NRXN1: variants seen among roughly 807,000 people sequenced by gnomAD.
NRXN1 encodes the protein neurexin 1, also known as neurexin-1.
Under a neutral mutation model 150.9 loss-of-function variants are expected in NRXN1, and 39 were observed. The ratio of observed to expected loss-of-function variants is 0.26; its 90% CI spans 0.20 to 0.34. The LOEUF is 0.34. Ranked by LOEUF, NRXN1 falls within the 10% of genes least tolerant of loss-of-function variation. The pLI, the probability that NRXN1 is intolerant of heterozygous loss-of-function variation, is 1.00. For synonymous variants in NRXN1, 924 were observed against 757.0 expected, an observed-to-expected ratio of 1.22 and a Z score of -3.62; for missense variants, 1,815 against 1,949.9, an observed-to-expected ratio of 0.93 and a Z score of 1.30.
chr2:50,267,685 G>C (rs1481713424), intron 17 of NRXN1, among the ~76,000 whole-genome samples: 1 of 152,102 alleles, frequency 6.6e-6, no homozygotes, highest in Non-Finnish European at 1.5e-5. Flanking sequence ...GTATTATAGG[G>C]AACGAAAATC....
intron 8 of NRXN1, among the ~76,000 whole-genome samples, chr2:50,587,646 ATAAC>A (rs1463265362): frequency 1.3e-5 from 2 of 152,214 alleles, no homozygotes; most frequent in Non-Finnish European, 2.9e-5. Flanking sequence ...GGAAAAAAGT[ATAAC>A]TAGCATATTA....
chr2:50,191,228 C>CG (rs1190882283), intron 18 of NRXN1, among the ~76,000 whole-genome samples: 1 of 145,248 alleles, frequency 6.9e-6, no homozygotes, highest in Non-Finnish European at 1.5e-5. Flanking sequence ...TTAGTAGAGA[C>CG]GGGGTTTCAC....
intron 18 of NRXN1, among the ~76,000 whole-genome samples, chr2:50,201,271 G>A (rs2062142766): frequency 6.6e-6 from 1 of 152,084 alleles, no homozygotes; most frequent in South Asian, 2.1e-4. Context: ...TTGGTTGAAC[G>A]ACGGAATCAC....
rs150759983 is a variant in NRXN1, at chr2:50,727,375, A to G, written c.833-103760T>C. ...ATGCCTAGGCTATAATTAGTATTCA[A>G]TAAATGCTTCAATTATGAAATATGG... On this transcript the variant is annotated intron_variant, in intron 5 of 22. Coordinates refer to ENST00000401669, the MANE Select transcript of NRXN1 (RefSeq NM_001330078.2). 8.5e-5 allele frequency among the ~76,000 whole-genome samples: 13 copies of G among 152,316 alleles called. No homozygotes were observed. In the East Asian group the frequency reaches 2.3e-3, roughly 27 times the overall value.
At position 50,996,428 on chromosome 2, in the gene NRXN1, AC is replaced by A. The variant is rs374424118; in HGVS notation, c.772+31073del. ...TAGAGTAAGCACAAGGCCAGTTTAA[AC>A]CAGCTTAACTTTTACATGTATGTAT... is the stretch of plus-strand genomic sequence containing the variant. On this transcript the variant is annotated intron_variant, in intron 2 of 22. Coordinates refer to ENST00000401669, the MANE Select transcript of NRXN1 (RefSeq NM_001330078.2). Among the ~76,000 whole-genome samples the A allele has an allele frequency of 2.5e-4, 38 of 152,258 alleles. 1 individual carries two copies. The South Asian group carries it at 6.8e-3, about 27-fold the overall frequency.
intron 18 of NRXN1, among the ~76,000 whole-genome samples, chr2:50,167,986 T>C (rs1053804433): frequency 6.6e-6 from 1 of 152,176 alleles, no homozygotes; most frequent in African/African-American, 2.4e-5. Flanking sequence ...GAAATAAAAA[T>C]GTTACAGAAC....
chr2:50,560,624 G>C (rs1410296070), intron 8 of NRXN1, among the ~76,000 whole-genome samples: 1 of 151,978 alleles, frequency 6.6e-6, no homozygotes, highest in Non-Finnish European at 1.5e-5. Context: ...TAGAGACGGG[G>C]TTTCACCATT....
intron 5 of NRXN1, among the ~76,000 whole-genome samples, chr2:50,783,707 C>T (rs1025571578): frequency 1.3e-5 from 2 of 152,142 alleles, no homozygotes; most frequent in Non-Finnish European, 2.9e-5. Context: ...TGGTAATATA[C>T]ATACTAGTTT....
intron 5 of NRXN1, among the ~76,000 whole-genome samples, chr2:50,720,519 A>G (rs1313660256): frequency 6.6e-6 from 1 of 152,194 alleles, no homozygotes; most frequent in African/African-American, 2.4e-5. Context: ...TAGGAAAAAA[A>G]TGCAGTGCCT....
intron 15 of NRXN1, among the ~76,000 whole-genome samples, chr2:50,495,203 T>A (rs1300702120): frequency 1.3e-5 from 2 of 152,158 alleles, no homozygotes; most frequent in Non-Finnish European, 2.9e-5. Flanking sequence ...AAAATGTGAT[T>A]CAAATAGAAA....
intron 2 of NRXN1, among the ~76,000 whole-genome samples, chr2:50,978,560 A>G (rs1696283631): frequency 6.6e-6 from 1 of 151,762 alleles, no homozygotes. Context: ...GTTGGAATAA[A>G]TATCCGATTA....
chr2:50,549,436 T>C (rs1667103952), intron 9 of NRXN1, among the ~76,000 whole-genome samples: 1 of 152,156 alleles, frequency 6.6e-6, no homozygotes, highest in African/African-American at 2.4e-5. Context: ...TTTTATATTG[T>C]TTGTACCAAT....
intron 17 of NRXN1, among the ~76,000 whole-genome samples, chr2:50,398,096 C>G (rs2082158215): frequency 6.6e-6 from 1 of 152,124 alleles, no homozygotes; most frequent in Non-Finnish European, 1.5e-5. Context: ...GAGGCTGTGA[C>G]ATTTTCAGGA....
chr2:50,032,286 C>T (rs1032988815), intron 21 of NRXN1, among the ~76,000 whole-genome samples: 12 of 152,140 alleles, frequency 7.9e-5, no homozygotes, highest in African/African-American at 2.9e-4. Flanking sequence ...TTTTCCTCAG[C>T]TTTCCTGGAG....
In NRXN1 at chr2:50,043,364, T is replaced by G. The variant is rs146296454; in HGVS notation, c.4128+9907A>C. 4.7e-4 allele frequency among the ~76,000 whole-genome samples: 71 copies of G among 152,286 alleles called. No homozygotes were observed. In the East Asian group the frequency reaches 0.013, roughly 28 times the overall value. ...CAGTGTCTTATCTTCTATCTTGTATTAGATTGCCATGTAGACCCTGTCAAG... is the reference window on the plus strand; with the variant it reads ...CAGTGTCTTATCTTCTATCTTGTATGAGATTGCCATGTAGACCCTGTCAAG... On this transcript the variant is annotated intron_variant, in intron 21 of 22. Transcript: ENST00000401669.
chr2:50,316,454 C>G (rs7577502), intron 17 of NRXN1, among the ~76,000 whole-genome samples: 65,249 of 151,840 alleles, frequency 0.43, 17,219 homozygotes, highest in African/African-American at 0.75. Context: ...AGTCAAGCAA[C>G]GGAAGATCTT....
intron 2 of NRXN1, among the ~76,000 whole-genome samples, chr2:51,002,366 C>T (rs1342130856): frequency 3.9e-5 from 6 of 151,942 alleles, no homozygotes; most frequent in Admixed American, 3.9e-4. Context: ...TAGGAAAGTG[C>T]TCTCTTCATC....
intron 5 of NRXN1, chr2:50,631,416 G>A (rs1467212809): frequency 5.2e-6 from 1 of 192,634 alleles, no homozygotes; most frequent in Non-Finnish European, 1.1e-5. Context: ...TTAGTCCAGT[G>A]CCTTCATTTA....
chr2:50,985,950 G>A (rs1404130515), intron 2 of NRXN1, among the ~76,000 whole-genome samples: 1 of 151,414 alleles, frequency 6.6e-6, no homozygotes, highest in African/African-American at 2.4e-5. Context: ...AAAATGAGCA[G>A]GGATATAAAC....
Sources: allele counts gnomAD v4.1 joint callset (sites outside exome capture counted in the v4.1 genomes callset), GRCh38; gene constraint gnomAD v4.1.1; transcripts MANE v1.5; gene names NCBI Gene and HGNC (gene_info 2026-07-23, HGNC 2026-07-21).